Variants in CSMD1 observed in about 807,000 individuals in gnomAD.
The protein encoded by CSMD1 is CUB and Sushi multiple domains 1.
Under a neutral mutation model 417.5 loss-of-function variants are expected in CSMD1, and 213 were observed. The ratio of observed to expected loss-of-function variants is 0.51; its 90% confidence interval spans 0.46 to 0.57. CSMD1 has a LOEUF of 0.57. CSMD1 is among the 20% of genes least tolerant of loss of function. The probability of loss-of-function intolerance (pLI) is 0.00; values close to 1 mark genes in which losing one functional copy is unlikely to be tolerated. For synonymous variants in CSMD1, 2,862 were observed against 1,736.8 expected (o/e 1.65, Z -16.11); for missense variants, 6,923 against 4,529.7 (o/e 1.53, Z -15.17).
intron 2 of CSMD1, among the ~76,000 whole-genome samples, chr8:4,624,724 C>G (rs985171927): frequency 6.6e-6 from 1 of 152,112 alleles, no homozygotes; most frequent in South Asian, 2.1e-4. Flanking sequence ...TGATCTGACA[C>G]CTGCTCTGTT....
intron 3 of CSMD1, among the ~76,000 whole-genome samples, chr8:4,244,379 A>C (rs988972100): frequency 1.3e-5 from 2 of 152,174 alleles, no homozygotes; most frequent in Admixed American, 1.3e-4. Flanking sequence ...CTAGAAACGG[A>C]TGTTTTTATG....
chr8:4,598,874 A>T (rs1050239821), intron 2 of CSMD1, among the ~76,000 whole-genome samples: 1 of 152,224 alleles, frequency 6.6e-6, no homozygotes, highest in Non-Finnish European at 1.5e-5. Flanking sequence ...CTTTTGTAGA[A>T]GAAAAAAAGA....
At chr8:4,664,084 C>T (rs1804771857) in intron 1 of CSMD1, among the ~76,000 whole-genome samples, 1 of 152,132 alleles carries the variant, frequency 6.6e-6, no homozygotes, top group Admixed American at 6.5e-5. Context: ...GTGTGTGCGT[C>T]ATCGTACAGC....
chr8:3,243,293 C>A (rs964657445), intron 26 of CSMD1, among the ~76,000 whole-genome samples: 2 of 152,090 alleles, frequency 1.3e-5, no homozygotes, highest in Non-Finnish European at 2.9e-5. Flanking sequence ...CAAGGGAGGT[C>A]CCCCGATCCG....
intron 17 of CSMD1, among the ~76,000 whole-genome samples, chr8:3,389,157 T>C (rs144534216): frequency 6.6e-6 from 1 of 152,306 alleles, no homozygotes; most frequent in African/African-American, 2.4e-5. Context: ...ATGTGCAGGT[T>C]TGTTACATTG....
At chr8:4,896,215 T>C (rs1804470390) in intron 1 of CSMD1, among the ~76,000 whole-genome samples, 1 of 152,096 alleles carries the variant, frequency 6.6e-6, no homozygotes, top group African/African-American at 2.4e-5. Context: ...GTCTTGTCAG[T>C]CTGGTTCTTT....
chr8:3,177,713 G>C (rs538050550), intron 37 of CSMD1, among the ~76,000 whole-genome samples: 6 of 152,210 alleles, frequency 3.9e-5, no homozygotes, highest in Non-Finnish European at 7.4e-5. Flanking sequence ...GTTCAATCTT[G>C]TTGTTCCTCC....
At chr8:4,711,101 G>A (rs925283524) in intron 1 of CSMD1, among the ~76,000 whole-genome samples, 23 of 150,970 alleles carry the variant, frequency 1.5e-4, no homozygotes, top group Non-Finnish European at 3.2e-4. Context: ...TATGTAAATA[G>A]CAAATTATTA....
chr8:4,649,493 T>A (rs1357140693), intron 1 of CSMD1, among the ~76,000 whole-genome samples: 3 of 152,222 alleles, frequency 2.0e-5, no homozygotes, highest in Non-Finnish European at 4.4e-5. Flanking sequence ...ATGAGGGGTA[T>A]AAACCCACGT....
intron 2 of CSMD1, among the ~76,000 whole-genome samples, chr8:4,517,153 C>T (rs889161769): frequency 6.6e-6 from 1 of 152,090 alleles, no homozygotes; most frequent in Non-Finnish European, 1.5e-5. Context: ...TTATAAGTAC[C>T]TACTGTATGA....
At chr8:4,539,212 C>T (rs949003722) in intron 2 of CSMD1, among the ~76,000 whole-genome samples, 1 of 152,162 alleles carries the variant, frequency 6.6e-6, no homozygotes, top group South Asian at 2.1e-4. Context: ...TGAGGTTTGC[C>T]ACTGCCACAA....
Position 4,413,873 on chromosome 8 carries a change from G to T in CSMD1, c.415+6080C>A, listed in dbSNP as rs150925468. Among the ~76,000 whole-genome samples the T allele has an allele frequency of 1.6e-4, 24 of 152,262 alleles. No individual in the cohort carries two copies. The South Asian group carries it at 1.9e-3, about 12-fold the overall frequency. On this transcript the variant is annotated intron_variant, in intron 3 of 69. Transcript: ENST00000635120. ...GAGGAAGGAATGTGTTTACAGGAAG[G>T]ATACCTGGGTTTACCAGTCTAAGTT...
At position 4,116,670 on chromosome 8, in the gene CSMD1, T is replaced by C. The variant is rs139429762; in HGVS notation, c.416-84571A>G. Among the ~76,000 whole-genome samples the C allele has an allele frequency of 5.3e-5, 8 of 150,208 alleles. No individual in the cohort carries two copies. In the East Asian group the frequency reaches 1.6e-3, roughly 30 times the overall value. ...GTAAGCTGTACACATCCGACGGCGA[T>C]GTACGAGTGCAGGTGCCTGGATGGA... On this transcript the variant is annotated intron_variant, in intron 3 of 69. Transcript: ENST00000635120.
chr8:3,171,906 A>T (rs76144519), intron 37 of CSMD1, among the ~76,000 whole-genome samples: 1 of 152,252 alleles, frequency 6.6e-6, no homozygotes, highest in Admixed American at 6.5e-5. Context: ...CTGTGTCTCT[A>T]TATTTGGGTT....
Position 4,795,252 on chromosome 8 carries a change from C to CTTTTTTTTTTTTTTTTT in CSMD1, c.86-157711_86-157695dup, listed in dbSNP as rs571984359. Among the ~76,000 whole-genome samples, 98 of 46,250 alleles carry CTTTTTTTTTTTTTTTTT rather than the reference C, an allele frequency of 2.1e-3. 25 individuals are homozygous for CTTTTTTTTTTTTTTTTT. The highest frequency in any genetic ancestry group is 2.9e-3 in the East Asian group (4 of 1,386). 30.3% of individuals were successfully genotyped at this position (46,250 alleles called of 152,430 possible). ...ATTTCTAGGTCTGCTGGTGTCATAG[C>CTTTTTTTTTTTTTTTTT]TTTTTTTTTTTTTTTTTTTTTTTTT... is the stretch of plus-strand genomic sequence containing the variant. On this transcript the variant is annotated intron_variant, in intron 1 of 69. Transcript: ENST00000635120.
chr8:4,639,271 G>C (rs913290374), intron 1 of CSMD1, among the ~76,000 whole-genome samples: 2 of 52,190 alleles, frequency 3.8e-5, no homozygotes, highest in Non-Finnish European at 8.8e-5. Context: ...TTTTTTTTTG[G>C]TCTGTTCAGT....
At chr8:3,241,345 G>A (rs1278400178) in intron 26 of CSMD1, among the ~76,000 whole-genome samples, 2 of 152,034 alleles carry the variant, frequency 1.3e-5, no homozygotes, top group African/African-American at 2.4e-5. Flanking sequence ...TCCTTGAAAA[G>A]AAGGTAATGT....
At chr8:3,738,861 T>C (rs570933572) in intron 6 of CSMD1, among the ~76,000 whole-genome samples, 8 of 152,310 alleles carry the variant, frequency 5.3e-5, no homozygotes, top group African/African-American at 1.7e-4. Context: ...AAATGTTACT[T>C]ATTAGGGCAT....
At chr8:3,727,224 T>A (rs982116633) in intron 6 of CSMD1, among the ~76,000 whole-genome samples, 31 of 152,228 alleles carry the variant, frequency 2.0e-4, no homozygotes, top group Admixed American at 2.0e-3. Flanking sequence ...CAAAGTTGCG[T>A]TTGACAATTA....
Sources: gnomAD v4.1 joint callset for allele counts (sites outside exome capture counted in the v4.1 genomes callset) on GRCh38, gnomAD v4.1.1 for gene constraint, MANE v1.5 for transcripts, NCBI Gene and HGNC (gene_info 2026-07-23, HGNC 2026-07-21) for gene names.